Variants in LRRN4 observed in about 807,000 individuals in gnomAD.
LRRN4 encodes leucine rich repeat neuronal 4.
In LRRN4, 26 loss-of-function variants were observed where a neutral mutation model predicts 22.3. The ratio of observed to expected loss-of-function variants is 1.16; its 90% CI spans 0.85 to 1.62. LRRN4 has a LOEUF of 1.62. Ranked by LOEUF, LRRN4 falls within the 40% of genes most tolerant of loss-of-function variation. LRRN4 has a pLI of 0.00. For missense variants in LRRN4, 1,070 were observed against 1,008.5 expected (o/e 1.06, Z -0.83); for synonymous variants, 496 against 486.2 (o/e 1.02, Z -0.26).
intron 3 of LRRN4, among the ~76,000 whole-genome samples, chr20:6,047,789 C>CAAA (rs11333545): frequency 7.2e-6 from 1 of 139,562 alleles, no homozygotes; most frequent in Non-Finnish European, 1.6e-5. Flanking sequence ...GACTCCATCT[C>CAAA]AAAAAAAAAA....
At position 6,044,765 on chromosome 20, in the gene LRRN4, A is replaced by G. The variant is rs1004336800; in HGVS notation, c.861-85T>C. On this transcript the variant is annotated intron_variant, in intron 3 of 4. Transcript: ENST00000378858. ...CCCAGAGAGGCATGGTGTCAGAACC[A>G]TGCCCATGGTATCAGAAGCATTCTG... 3.6e-5 allele frequency: 45 copies of G among 1,252,770 alleles called. No homozygotes were observed. In the Admixed American group the frequency reaches 4.2e-4, roughly 12 times the overall value. 77.6% of individuals were successfully genotyped at this position (1,252,770 alleles called of 1,614,324 possible). A position where few individuals can be genotyped will look rare whatever the true frequency, so the allele number is the denominator to read the frequency against.
intron 3 of LRRN4, among the ~76,000 whole-genome samples, chr20:6,044,934 A>C (rs886946543): frequency 6.6e-6 from 1 of 152,180 alleles, no homozygotes; most frequent in African/African-American, 2.4e-5. Flanking sequence ...CTTCATATCA[A>C]CTGGAGACAT....
intron 3 of LRRN4, among the ~76,000 whole-genome samples, chr20:6,048,542 T>C (rs1321664700): frequency 1.3e-5 from 2 of 152,230 alleles, no homozygotes; most frequent in African/African-American, 4.8e-5. Flanking sequence ...TGGGGAAATG[T>C]ATTTAACATC....
At chr20:6,048,318 T>G (rs1263417960) in intron 3 of LRRN4, among the ~76,000 whole-genome samples, 1 of 152,174 alleles carries the variant, frequency 6.6e-6, no homozygotes, top group Admixed American at 6.5e-5. Flanking sequence ...CAAGGCTCAG[T>G]TCTGGGCCCT....
intron 3 of LRRN4, among the ~76,000 whole-genome samples, chr20:6,047,862 G>A (rs2123055843): frequency 6.6e-6 from 1 of 151,800 alleles, no homozygotes; most frequent in Non-Finnish European, 1.5e-5. Flanking sequence ...ATGAAAATAA[G>A]ACCTCCCTGG....
rs563183540 is a variant in LRRN4, at chr20:6,050,711, T to C, written c.860+68A>G. On this transcript the variant is annotated intron_variant, in intron 3 of 4. Coordinates refer to ENST00000378858, the MANE Select transcript of LRRN4 (RefSeq NM_152611.5). ...AAAAATTAAGGTCTGGTTTGTTCTA[T>C]AAAATTCAACATAGCGTAATGGGCA... 3.4e-5 allele frequency: 50 copies of C among 1,451,652 alleles called. No individual in the cohort carries two copies. In the Admixed American group the frequency reaches 5.7e-4, roughly 17 times the overall value. The allele number at this position is 1,451,652 out of a possible 1,614,324, so 89.9% of individuals were successfully genotyped here. A position where few individuals can be genotyped will look rare whatever the true frequency, so the allele number is the denominator to read the frequency against.
intron 3 of LRRN4, 138 bp downstream of exon 3, chr20:6,050,641 G>T (rs1048435461): frequency 1.1e-6 from 1 of 872,712 alleles, no homozygotes. Context: ...CCCAAAGGGT[G>T]GGGGAAAACA....
rs1321325670 is a variant in LRRN4, at chr20:6,052,642, G to A, written c.158C>T (p.Ala53Val). 9.5e-6 allele frequency: 15 copies of A among 1,585,610 alleles called. No individual in the cohort carries two copies. Among genetic ancestry groups the A allele is most frequent in the Non-Finnish European group, 1.3e-5 (15 of 1,173,614 alleles). The part of the protein sequence containing the change: ...ATDSPCEGLP[A>V]ADATALTLAN... ...CAGGGTCAAGGCCGTCGCATCCGCGGCGGGCAGCCCCTCGCAGGGCGAGTC... is the reference window on the plus strand; with the variant it reads ...CAGGGTCAAGGCCGTCGCATCCGCGACGGGCAGCCCCTCGCAGGGCGAGTC... The change falls in exon 2 of 5, where the codon GCC (alanine) becomes GTC (valine). Residue 53 changes from alanine to valine, a missense_variant. Coordinates refer to ENST00000378858, the MANE Select transcript of LRRN4 (RefSeq NM_152611.5).
rs1158354419 is a variant in LRRN4 at position 6,042,218 on chromosome 20, C to A, written c.1027G>T (p.Ala343Ser). Residue 343 changes from alanine (A) to serine (S), a missense_variant, in exon 5 of 5, where the codon GCG becomes TCG. Ala to Ser is a moderately conservative substitution (Grantham distance 99, BLOSUM62 1). Transcript: ENST00000378858. ...RAADTMCAPA[A>S]GSSGPFSASL... ...GCTGAGAAGGGGCCGCTGGATCCCG[C>A]AGCTGGCGCGCACATAGTGTCTGCT... is the stretch of plus-strand genomic sequence containing the variant. 6.2e-7 allele frequency: 1 copy of A among 1,612,848 alleles called. No homozygotes were observed. The highest frequency in any genetic ancestry group is 8.5e-7 in the Non-Finnish European group (1 of 1,179,544).
At position 6,047,461 on chromosome 20, in the gene LRRN4, CACACACAG is replaced by C. The variant is rs879632606; in HGVS notation, c.861-2789_861-2782del. ...ACACACACACACACACACACACACACACACACAGAGACACACACCACTCTTCTGGTAAG... is the reference window on the plus strand; with the variant it reads ...ACACACACACACACACACACACACACAGACACACACCACTCTTCTGGTAAG... On this transcript the variant is annotated intron_variant, in intron 3 of 4. Transcript: ENST00000378858. Among the ~76,000 whole-genome samples the C allele has an allele frequency of 2.7e-3, 399 of 150,390 alleles. 2 individuals are homozygous for C. Among genetic ancestry groups the C allele is most frequent in the African/African-American group, 7.2e-3 (297 of 40,966 alleles).
chr20:6,053,696 C>T (rs1401278712), intron 1 of LRRN4, 134 bp downstream of exon 1: 2 of 152,304 alleles, frequency 1.3e-5, no homozygotes, highest in Non-Finnish European at 2.9e-5. Flanking sequence ...TCTGTGCTGA[C>T]CAGTAGATCT....
intron 3 of LRRN4, among the ~76,000 whole-genome samples, chr20:6,049,552 G>A (rs1981195802): frequency 6.6e-6 from 1 of 151,994 alleles, no homozygotes; most frequent in Non-Finnish European, 1.5e-5. Context: ...CCAGGCTGGA[G>A]TACAATGGCG....
chr20:6,049,448 C>T (rs546923129), intron 3 of LRRN4, among the ~76,000 whole-genome samples: 1 of 152,246 alleles, frequency 6.6e-6, no homozygotes, highest in East Asian at 1.9e-4. Context: ...ATTAATATCA[C>T]CACCATCACA....
rs192911732 is a variant in LRRN4, at chr20:6,045,236, C to T, written c.861-556G>A. 9.5e-4 allele frequency among the ~76,000 whole-genome samples: 141 copies of T among 148,114 alleles called. 12 individuals carry two copies. The highest frequency in any genetic ancestry group is 1.9e-3 in the Non-Finnish European group (123 of 66,302). Reference sequence around the variant, plus strand: ...GGTGGATTATTTGAGGTTAGGAGTTCGAGACCAGCCTGGCCAACATGGTGA... The same window carrying T: ...GGTGGATTATTTGAGGTTAGGAGTTTGAGACCAGCCTGGCCAACATGGTGA... On this transcript the variant is annotated intron_variant, in intron 3 of 4. Transcript: ENST00000378858.
chr20:6,048,285 C>T (rs190922089), intron 3 of LRRN4, among the ~76,000 whole-genome samples: 143 of 152,250 alleles, frequency 9.4e-4, no homozygotes, highest in Admixed American at 2.4e-3. Context: ...TTCTTCATCC[C>T]GATGTTAAAA....
In LRRN4 at chr20:6,052,533, G is replaced by T; in HGVS notation, c.267C>A (p.Ala89=). 1.3e-6 allele frequency: 2 copies of T among 1,588,162 alleles called. No individual in the cohort carries two copies. The highest frequency in any genetic ancestry group is 2.3e-5 in the East Asian group (1 of 44,310). The stretch of plus-strand genomic sequence containing the variant: ...GGTGGCCGAGCTCGGAAGTGCTCAG[G>T]GCGCGCAGCAGGTTGTGGCTGGCGT... ...SLDASHNLLR[A]LSTSELGHLE... is the part of the protein sequence containing the mutation. Residue 89 remains alanine, a synonymous_variant, in exon 2 of 5, where the codon GCC becomes GCA. Transcript: ENST00000378858.
At position 6,052,563 on chromosome 20, in the gene LRRN4, G is replaced by A. The variant is rs1008887944; in HGVS notation, c.237C>T (p.Ser79=). 6.3e-6 allele frequency: 10 copies of A among 1,579,698 alleles called. No homozygotes were observed. The highest frequency in any genetic ancestry group is 8.5e-6 in the Non-Finnish European group (10 of 1,171,672). ...GCAGCAGGTTGTGGCTGGCGTCGAG[G>A]CTGCGCAGTGTGCGCGGTAGGCAGC... ...LPGCLPRTLR[S]LDASHNLLRA... The change falls in exon 2 of 5, where the codon AGC becomes AGT. Residue 79 remains serine, a synonymous_variant. Transcript: ENST00000378858.
At position 6,041,958 on chromosome 20, in the gene LRRN4, A is replaced by G; in HGVS notation, c.1287T>C (p.Thr429=). 1 of 1,614,048 alleles carries G rather than the reference A, an allele frequency of 6.2e-7. No homozygotes were observed. The part of the protein sequence containing the change: ...AWPHSDAREG[T]APSTTNSVAG... ...CTACAGAGTTGGTCGTGGAGGGGGCAGTCCCCTCCCGTGCATCGCTGTGCG... is the reference window on the plus strand; with the variant it reads ...CTACAGAGTTGGTCGTGGAGGGGGCGGTCCCCTCCCGTGCATCGCTGTGCG... Residue 429 remains threonine (T), a synonymous_variant, in exon 5 of 5, where the codon ACT becomes ACC. Transcript: ENST00000378858. The surrounding 1 kb of genome is among the most constrained non-coding windows in gnomAD (Gnocchi z 9.4).
At chr20:6,051,031 C>G (rs749203463) in intron 2 of LRRN4, 48 bp from the exon 3 acceptor site, 4 of 1,548,634 alleles carry the variant, frequency 2.6e-6, no homozygotes, top group Non-Finnish European at 3.6e-6. Context: ...CGCACAAACC[C>G]AGGAGGCCAG....
Sources: allele counts gnomAD v4.1 joint callset (sites outside exome capture counted in the v4.1 genomes callset), GRCh38; gene constraint gnomAD v4.1.1; non-coding constraint Gnocchi (gnomAD v3.1); transcripts MANE v1.5; gene names NCBI Gene and HGNC (gene_info 2026-07-23, HGNC 2026-07-21).